DIPK1A: variants seen among roughly 807,000 people sequenced by gnomAD.
DIPK1A encodes the protein family with sequence similarity 69 member A.
In DIPK1A, 27 loss-of-function variants were observed where a neutral mutation model predicts 40.8. That is an observed-to-expected ratio of 0.66 (90% CI 0.49 to 0.91). The LOEUF (loss-of-function observed/expected upper bound fraction) is 0.91. Among genes scored for constraint, DIPK1A ranks in the 40% least tolerant of loss-of-function variants. The pLI is 0.00. For missense variants in DIPK1A, 412 were observed against 505.7 expected, an observed-to-expected ratio of 0.81 and a Z score of 1.78; for synonymous variants, 166 against 171.3, an observed-to-expected ratio of 0.97 and a Z score of 0.24.
At position 92,843,708 on chromosome 1, in the gene DIPK1A, TTTG is replaced by T; in HGVS notation, c.959_961del (p.Thr320del). On this transcript the variant is annotated inframe_deletion, in exon 5 of 5. Transcript: ENST00000370310. ...ACGATCCTTAATAAGTTCTTTCAGG[TTTG>T]TCTCTGGCACAATTTTTCTCATATC... The T allele has an allele frequency of 1.3e-6, 2 of 1,551,742 alleles. No homozygotes were observed. Among genetic ancestry groups the T allele is most frequent in the Non-Finnish European group, 1.7e-6 (2 of 1,146,994 alleles).
chr1:92,887,694 G>A (rs559702417), intron 1 of DIPK1A, among the ~76,000 whole-genome samples: 8 of 152,272 alleles, frequency 5.3e-5, no homozygotes, highest in Admixed American at 1.3e-4. Context: ...ATTATGCAGC[G>A]TTGCTGGGGT....
intron 2 of DIPK1A, among the ~76,000 whole-genome samples, chr1:92,855,688 C>T (rs1352990639): frequency 6.6e-6 from 1 of 150,532 alleles, no homozygotes; most frequent in African/African-American, 2.4e-5. Context: ...CAAAGTGAGA[C>T]TCTGTCTCTA....
intron 1 of DIPK1A, among the ~76,000 whole-genome samples, chr1:92,895,737 T>C (rs1419813636): frequency 6.6e-6 from 1 of 152,056 alleles, no homozygotes; most frequent in Non-Finnish European, 1.5e-5. Context: ...GATGACATGA[T>C]TGTATATCTA....
At chr1:92,856,241 A>C (rs913715017) in intron 2 of DIPK1A, among the ~76,000 whole-genome samples, 2 of 152,114 alleles carry the variant, frequency 1.3e-5, no homozygotes, top group Non-Finnish European at 2.9e-5. Context: ...ATGGTAATAC[A>C]TTTGAAATAA....
rs537480728 is a variant in DIPK1A at position 92,910,473 on chromosome 1, C to T, written c.55-34043G>A. Among the ~76,000 whole-genome samples the T allele has an allele frequency of 1.1e-3, 165 of 152,206 alleles. 1 individual carries two copies. Among genetic ancestry groups the T allele is most frequent in the African/African-American group, 3.7e-3 (152 of 41,540 alleles). ...AGTGTATAGACAAAAGCTAAATAGG[C>T]ACCTCTCAGAAATACCTGTCTAGTT... On this transcript the variant is annotated intron_variant, in intron 1 of 4. Coordinates refer to ENST00000370310, the MANE Select transcript of DIPK1A (RefSeq NM_001006605.5).
chr1:92,894,454 A>G (rs1649066311), intron 1 of DIPK1A, among the ~76,000 whole-genome samples: 1 of 152,244 alleles, frequency 6.6e-6, no homozygotes, highest in African/African-American at 2.4e-5. Flanking sequence ...TTTGAAACCA[A>G]CAAGAACAAA....
intron 1 of DIPK1A, among the ~76,000 whole-genome samples, chr1:92,952,568 T>C (rs370288688): frequency 9.2e-5 from 14 of 152,038 alleles, no homozygotes; most frequent in Non-Finnish European, 1.3e-4. Flanking sequence ...CAGTGAACCA[T>C]TGAGCCATGA....
rs141545588 is a variant in DIPK1A at position 92,836,504 on chromosome 1, G to C, written c.475-3470C>G. ...AGTAGCTATCAATTGAATGCCTGCTGTATGCCTAGGTACCATGCAGGAGGA... is the reference window on the plus strand; with the variant it reads ...AGTAGCTATCAATTGAATGCCTGCTCTATGCCTAGGTACCATGCAGGAGGA... On this transcript the variant is annotated intron_variant, in intron 4 of 4. Transcript: ENST00000615519. 184 of 918,132 alleles carry C rather than the reference G, an allele frequency of 2.0e-4. No individual in the cohort carries two copies. The African/African-American group carries it at 2.4e-3, about 12-fold the overall frequency. The allele number at this position is 918,132 out of a possible 1,614,324, so 56.9% of individuals were successfully genotyped here. A position where few individuals can be genotyped will look rare whatever the true frequency, so the allele number is the denominator to read the frequency against.
At chr1:92,928,549 G>T (rs1650610413) in intron 1 of DIPK1A, among the ~76,000 whole-genome samples, 1 of 152,116 alleles carries the variant, frequency 6.6e-6, no homozygotes, top group Non-Finnish European at 1.5e-5. Context: ...TAGTTCTTTA[G>T]CCTGAAGTAC....
intron 1 of DIPK1A, among the ~76,000 whole-genome samples, chr1:92,946,675 G>GTA (rs1651374881): frequency 6.6e-6 from 1 of 152,220 alleles, no homozygotes; most frequent in African/African-American, 2.4e-5. Flanking sequence ...TGGGCCCGAT[G>GTA]GCTCATGCCT....
intron 3 of DIPK1A, among the ~76,000 whole-genome samples, chr1:92,850,366 T>C (rs964041831): frequency 1.3e-5 from 2 of 152,154 alleles, no homozygotes; most frequent in African/African-American, 4.8e-5. Flanking sequence ...GTCTGGAATA[T>C]ACTGGGGATA....
In DIPK1A at chr1:92,904,767, T is replaced by C. The variant is rs548778931; in HGVS notation, c.55-28337A>G. On this transcript the variant is annotated intron_variant, in intron 1 of 4. Coordinates refer to ENST00000370310, the MANE Select transcript of DIPK1A (RefSeq NM_001006605.5). ...TACTAGATCTTATTCATTCTAACTA[T>C]ATTTTCATACCCATTAACTATCCCC... Among the ~76,000 whole-genome samples the C allele has an allele frequency of 2.4e-4, 36 of 152,242 alleles. No homozygotes were observed. The South Asian group carries it at 6.8e-3, about 29-fold the overall frequency.
chr1:92,844,049 C>T lies in DIPK1A; in HGVS notation c.621G>A (p.Val207=). 3 of 1,552,072 alleles carry T rather than the reference C, an allele frequency of 1.9e-6. No individual in the cohort carries two copies. The highest frequency in any genetic ancestry group is 2.4e-5 in the East Asian group (1 of 40,926). Residue 207 remains valine, a synonymous_variant, in exon 5 of 5, where the codon GTG becomes GTA. Transcript: ENST00000370310. ...GGGTATGTTCTTTATCTTGAAGTAT[C>T]ACCATGAGAAGAAATTCATTCAGTT... ...LLQLNEFLLM[V]ILQDKEHTPK...
At chr1:92,834,181 C>T (rs1297601271) in intron 4 of DIPK1A, among the ~76,000 whole-genome samples, 1 of 152,118 alleles carries the variant, frequency 6.6e-6, no homozygotes, top group African/African-American at 2.4e-5. Context: ...TAGGGTTTGT[C>T]CTGATTTTTC....
At chr1:92,875,498 C>T (rs568160360) in intron 2 of DIPK1A, among the ~76,000 whole-genome samples, 3 of 152,226 alleles carry the variant, frequency 2.0e-5, no homozygotes, top group South Asian at 4.1e-4. Flanking sequence ...GGGCGGATCA[C>T]TTGAGGCTAG....
rs368828564 is a variant in DIPK1A at position 92,889,266 on chromosome 1, C to T, written c.55-12836G>A. Among the ~76,000 whole-genome samples the T allele has an allele frequency of 3.4e-4, 51 of 152,096 alleles. 1 individual carries two copies. Among genetic ancestry groups the T allele is most frequent in the East Asian group, 1.7e-3 (9 of 5,188 alleles). On this transcript the variant is annotated intron_variant, in intron 1 of 4. Coordinates refer to ENST00000370310, the MANE Select transcript of DIPK1A (RefSeq NM_001006605.5). ...AACACTACTTACTGAAGAGATAGTC[C>T]GTTTCCCAATAAATGTTCCTGGCAC...
intron 1 of DIPK1A, among the ~76,000 whole-genome samples, chr1:92,884,170 G>T (rs1258732273): frequency 6.6e-6 from 1 of 152,132 alleles, no homozygotes; most frequent in Non-Finnish European, 1.5e-5. Flanking sequence ...AATTGTTCAT[G>T]ATATTAAGAG....
intron 4 of DIPK1A, chr1:92,846,688 G>GT (rs1247947073): frequency 3.1e-6 from 1 of 325,152 alleles, no homozygotes; most frequent in Non-Finnish European, 6.0e-6. Context: ...GAGTGCAGTG[G>GT]TGAGATCTTG....
chr1:92,921,505 TA>T (rs1320294610), intron 1 of DIPK1A, among the ~76,000 whole-genome samples: 2 of 152,014 alleles, frequency 1.3e-5, no homozygotes, highest in African/African-American at 2.4e-5. Context: ...TAGTCGGGAG[TA>T]AAACAATAAG....
Sources: gnomAD v4.1 joint callset for allele counts (sites outside exome capture counted in the v4.1 genomes callset) on GRCh38, gnomAD v4.1.1 for gene constraint, MANE v1.5 for transcripts, NCBI Gene and HGNC (gene_info 2026-07-23, HGNC 2026-07-21) for gene names.